CHL1: variants seen among roughly 807,000 people sequenced by gnomAD.
The protein encoded by CHL1 is cell adhesion molecule L1 like, also known as neural cell adhesion molecule L1-like protein.
In CHL1, 96 loss-of-function variants were observed where a neutral mutation model predicts 141.9. The ratio of observed to expected loss-of-function variants is 0.68; its 90% CI spans 0.57 to 0.80. The LOEUF (loss-of-function observed/expected upper bound fraction) is 0.80. Among genes scored for constraint, CHL1 ranks in the 30% least tolerant of loss-of-function variants. The probability of loss-of-function intolerance (pLI) is 0.00; values close to 1 mark genes in which losing one functional copy is unlikely to be tolerated. For synonymous variants in CHL1, 613 were observed against 502.2 expected (o/e 1.22, Z -2.95); for missense variants, 1,820 against 1,457.2 (o/e 1.25, Z -4.05).
chr3:398,276 C>T lies in CHL1; in HGVS notation c.3144C>T (p.His1048=), dbSNP rs1411709464. 1 of 1,606,002 alleles carries T rather than the reference C, an allele frequency of 6.2e-7. No individual in the cohort carries two copies. Among genetic ancestry groups the T allele is most frequent in the South Asian group, 1.1e-5 (1 of 90,776 alleles). The change falls in exon 25 of 28, where the codon CAC becomes CAT. Residue 1048 remains histidine, a synonymous_variant. Transcript: ENST00000256509. ...ISGVNLTQKT[H]PIEVFEPGAE... is the part of the protein sequence containing the mutation. ...GAGTAAATCTTACTCAAAAGACTCA[C>T]CCAATAGAGGTATTTGAGCCGGGAG...
intron 5 of CHL1, among the ~76,000 whole-genome samples, chr3:332,544 C>A (rs7639312): frequency 0.07 from 10,673 of 151,918 alleles, 1,254 homozygotes; most frequent in African/African-American, 0.24. Context: ...TACATTTATT[C>A]TATAAACAAT....
chr3:382,321 G>T (rs766558462), intron 17 of CHL1, 41 bp downstream of exon 17: 1 of 1,559,112 alleles, frequency 6.4e-7, no homozygotes, highest in Non-Finnish European at 8.8e-7. Flanking sequence ...ACTCTAGATA[G>T]TCAAAATTAA....
chr3:322,901 A>C (rs896473753), intron 3 of CHL1, among the ~76,000 whole-genome samples: 2 of 151,432 alleles, frequency 1.3e-5, no homozygotes, highest in Non-Finnish European at 2.9e-5. Flanking sequence ...AACAAAGCAA[A>C]ACAAAAACAG....
At chr3:299,042 T>G (rs1698467822) in intron 2 of CHL1, among the ~76,000 whole-genome samples, 1 of 152,168 alleles carries the variant, frequency 6.6e-6, no homozygotes, top group Non-Finnish European at 1.5e-5. Flanking sequence ...TTGTACAAGT[T>G]TTGAGTATAC....
intron 1 of CHL1, among the ~76,000 whole-genome samples, chr3:242,419 A>G (rs543353164): frequency 1.3e-4 from 18 of 138,070 alleles, no homozygotes; most frequent in Admixed American, 4.5e-4. Flanking sequence ...ACACGGTGAA[A>G]CCCCGTCTCT....
At chr3:283,260 C>A (rs1696823753) in intron 2 of CHL1, among the ~76,000 whole-genome samples, 1 of 152,240 alleles carries the variant, frequency 6.6e-6, no homozygotes, top group Admixed American at 6.5e-5. Flanking sequence ...AATTAGCCTG[C>A]AGTCTTCCCC....
intron 2 of CHL1, among the ~76,000 whole-genome samples, chr3:297,044 A>G (rs1698250740): frequency 6.6e-6 from 1 of 151,998 alleles, no homozygotes; most frequent in Admixed American, 6.6e-5. Flanking sequence ...ACAGAGAATT[A>G]GTTAGAGGAT....
chr3:287,708 C>CA (rs1339761969), intron 2 of CHL1, among the ~76,000 whole-genome samples: 3 of 151,562 alleles, frequency 2.0e-5, no homozygotes, highest in South Asian at 2.1e-4. Context: ...TCAAATATAC[C>CA]AAAAAAATGA....
At chr3:310,320 C>T (rs745783674) in intron 2 of CHL1, among the ~76,000 whole-genome samples, 2 of 151,832 alleles carry the variant, frequency 1.3e-5, no homozygotes, top group Non-Finnish European at 2.9e-5. Flanking sequence ...AGTATCCCAG[C>T]TACTAGAGAG....
chr3:307,050 A>T (rs459427), intron 2 of CHL1, among the ~76,000 whole-genome samples: 4 of 152,032 alleles, frequency 2.6e-5, no homozygotes, highest in African/African-American at 9.7e-5. Context: ...TCTGACAATG[A>T]TTCCATATAG....
chr3:293,267 C>T (rs1159735383), intron 2 of CHL1, among the ~76,000 whole-genome samples: 1 of 152,070 alleles, frequency 6.6e-6, no homozygotes, highest in Non-Finnish European at 1.5e-5. Flanking sequence ...TTTGGGAGGC[C>T]GAGGTGGATG....
intron 1 of CHL1, among the ~76,000 whole-genome samples, chr3:226,394 A>AC (rs1240569744): frequency 7.5e-5 from 11 of 146,392 alleles, no homozygotes; most frequent in Admixed American, 2.1e-4. Context: ...ATACTTATAT[A>AC]TTATATAATA....
chr3:340,325 G>A (rs1702256119), intron 5 of CHL1, among the ~76,000 whole-genome samples: 1 of 152,176 alleles, frequency 6.6e-6, no homozygotes. Flanking sequence ...GGGCTGGGAA[G>A]TTTTTATTTA....
chr3:228,292 C>T (rs969341343), intron 1 of CHL1, among the ~76,000 whole-genome samples: 1 of 151,564 alleles, frequency 6.6e-6, no homozygotes, highest in African/African-American at 2.4e-5. Context: ...GACAGGATTA[C>T]ATTTAGTCTA....
intron 3 of CHL1, among the ~76,000 whole-genome samples, chr3:323,865 A>G (rs1182262311): frequency 6.6e-6 from 1 of 152,164 alleles, no homozygotes; most frequent in African/African-American, 2.4e-5. Flanking sequence ...ACCCTGACTC[A>G]AAGAATTAAG....
chr3:268,891 A>G (rs752991530), intron 2 of CHL1, among the ~76,000 whole-genome samples: 2 of 152,224 alleles, frequency 1.3e-5, no homozygotes, highest in African/African-American at 2.4e-5. Context: ...GCAGAGCTCA[A>G]TCAGATGGCA....
At chr3:276,071 A>G (rs1417397519) in intron 2 of CHL1, among the ~76,000 whole-genome samples, 1 of 151,908 alleles carries the variant, frequency 6.6e-6, no homozygotes. Flanking sequence ...TCTAAAGTCG[A>G]AATTATTATT....
chr3:352,200 A>T (rs188899047), intron 10 of CHL1, among the ~76,000 whole-genome samples: 138 of 152,308 alleles, frequency 9.1e-4, no homozygotes, highest in African/African-American at 3.2e-3. Flanking sequence ...CTTGTTTTCA[A>T]ATAACAAACC....
intron 15 of CHL1, among the ~76,000 whole-genome samples, chr3:372,098 CT>C (rs1448780224): frequency 6.6e-6 from 1 of 152,040 alleles, no homozygotes; most frequent in Non-Finnish European, 1.5e-5. Context: ...GGTTAATCTT[CT>C]CATGGAGTAT....
Sources: allele counts gnomAD v4.1 joint callset (sites outside exome capture counted in the v4.1 genomes callset), GRCh38; gene constraint gnomAD v4.1.1; transcripts MANE v1.5; gene names NCBI Gene and HGNC (gene_info 2026-07-23, HGNC 2026-07-21).